The following SDK1 variants were observed in gnomAD, a reference collection of about 807,000 sequenced individuals.
The protein encoded by SDK1 is sidekick cell adhesion molecule 1.
SDK1 carries 157 observed loss-of-function variants against 245.5 expected under a neutral mutation model. That is an observed-to-expected ratio of 0.64 (90% CI 0.56 to 0.73). The LOEUF (loss-of-function observed/expected upper bound fraction) is 0.73. SDK1 is among the 30% of genes least tolerant of loss of function. The pLI is 0.00. For missense variants in SDK1, 3,583 were observed against 3,002.3 expected, an observed-to-expected ratio of 1.19 and a Z score of -4.52; for synonymous variants, 1,647 against 1,278.5, an observed-to-expected ratio of 1.29 and a Z score of -6.15.
intron 17 of SDK1, among the ~76,000 whole-genome samples, chr7:4,039,256 A>G (rs1788430750): frequency 2.0e-5 from 3 of 152,132 alleles, no homozygotes. Context: ...TACATATGTA[A>G]CTAACCAGCA....
chr7:3,929,732 G>A (rs1206745062), intron 5 of SDK1, among the ~76,000 whole-genome samples: 2 of 152,142 alleles, frequency 1.3e-5, no homozygotes, highest in Non-Finnish European at 2.9e-5. Context: ...GGATGGTGGG[G>A]TTTGTGGTGC....
At chr7:4,129,241 G>A (rs1484657585) in intron 26 of SDK1, among the ~76,000 whole-genome samples, 1 of 148,822 alleles carries the variant, frequency 6.7e-6, no homozygotes, top group East Asian at 2.0e-4. Context: ...AGCAGCTTGG[G>A]GTGGGGTGCC....
At chr7:3,577,639 G>C (rs1291456451) in intron 1 of SDK1, among the ~76,000 whole-genome samples, 2 of 152,032 alleles carry the variant, frequency 1.3e-5, no homozygotes, top group Non-Finnish European at 2.9e-5. Context: ...TTTTGTGTCA[G>C]ATACTGTGCT....
At chr7:4,049,830 G>A (rs528197758) in intron 18 of SDK1, among the ~76,000 whole-genome samples, 1 of 152,298 alleles carries the variant, frequency 6.6e-6, no homozygotes, top group South Asian at 2.1e-4. Context: ...CAAAGGGAAT[G>A]GTGTGAGTGA....
chr7:3,975,950 C>T (rs904092228), intron 13 of SDK1, among the ~76,000 whole-genome samples: 2 of 139,850 alleles, frequency 1.4e-5, no homozygotes, highest in Non-Finnish European at 1.6e-5. Context: ...GGGGCTGAGG[C>T]TGCCACGCAG....
At position 4,267,170 on chromosome 7, in the gene SDK1, T is replaced by C. The variant is rs774130696; in HGVS notation, c.*1786T>C. 1.8e-4 allele frequency: 181 copies of C among 983,202 alleles called. No homozygotes were observed. The highest frequency in any genetic ancestry group is 2.5e-4 in the Admixed American group (4 of 16,246). The allele number at this position is 983,202 out of a possible 1,614,324, so 60.9% of individuals were successfully genotyped here. A position where few individuals can be genotyped will look rare whatever the true frequency, so the allele number is the denominator to read the frequency against. ...AGAGGGTATGGCAAGTTTCCTTTTT[T>C]CTCTCCTCCCTTCCTTCCCCTCCTT... On this transcript the variant is annotated 3_prime_UTR_variant, in exon 45 of 45. Coordinates refer to ENST00000404826, the MANE Select transcript of SDK1 (RefSeq NM_152744.4).
chr7:3,618,654 C>G (rs575748979), intron 1 of SDK1, among the ~76,000 whole-genome samples: 6 of 152,306 alleles, frequency 3.9e-5, no homozygotes, highest in Non-Finnish European at 5.9e-5. Context: ...GTATGTCAAT[C>G]TTGCTTATCT....
intron 4 of SDK1, among the ~76,000 whole-genome samples, chr7:3,803,532 A>G (rs1457245975): frequency 6.6e-6 from 1 of 151,802 alleles, no homozygotes; most frequent in Non-Finnish European, 1.5e-5. Context: ...GCTGGTCTCA[A>G]ACTCCTGACC....
intron 1 of SDK1, among the ~76,000 whole-genome samples, chr7:3,529,318 G>T (rs747422060): frequency 1.3e-5 from 2 of 152,270 alleles, no homozygotes; most frequent in Middle Eastern, 3.4e-3. Context: ...TCTACTAAAA[G>T]GGAAGGGAAC....
At chr7:3,369,098 G>T (rs146734551) in intron 1 of SDK1, among the ~76,000 whole-genome samples, 9 of 151,852 alleles carry the variant, frequency 5.9e-5, no homozygotes, top group Middle Eastern at 3.4e-3. Flanking sequence ...AGGCTGGTGT[G>T]CAATGGTGTG....
chr7:3,582,438 G>T (rs992638972), intron 1 of SDK1, among the ~76,000 whole-genome samples: 2 of 141,504 alleles, frequency 1.4e-5, no homozygotes, highest in Non-Finnish European at 3.1e-5. Flanking sequence ...AGGTAGGTCT[G>T]TCTCAGGTAG....
chr7:3,780,011 C>G (rs907777877), intron 4 of SDK1, among the ~76,000 whole-genome samples: 3 of 151,520 alleles, frequency 2.0e-5, no homozygotes, highest in Non-Finnish European at 4.4e-5. Context: ...GCCTCAGTCT[C>G]TACTCCCCTG....
intron 38 of SDK1, among the ~76,000 whole-genome samples, chr7:4,210,760 A>G (rs1053360559): frequency 6.6e-6 from 1 of 152,238 alleles, no homozygotes; most frequent in Non-Finnish European, 1.5e-5. Context: ...CTTGTTTATC[A>G]GGTCCCTGGC....
chr7:3,330,072 A>T (rs73046661), intron 1 of SDK1, among the ~76,000 whole-genome samples: 21,938 of 152,112 alleles, frequency 0.14, 2,443 homozygotes, highest in African/African-American at 0.31. Flanking sequence ...TTGTATGTAT[A>T]TGTCACCTTT....
At chr7:4,009,489 A>G (rs1440820938) in intron 14 of SDK1, among the ~76,000 whole-genome samples, 4 of 152,190 alleles carry the variant, frequency 2.6e-5, no homozygotes, top group African/African-American at 7.2e-5. Flanking sequence ...GTTCTTCTGT[A>G]GGTAACTGGG....
intron 1 of SDK1, among the ~76,000 whole-genome samples, chr7:3,412,793 T>C (rs1779250560): frequency 6.6e-6 from 1 of 152,204 alleles, no homozygotes; most frequent in Non-Finnish European, 1.5e-5. Flanking sequence ...TTTGGGCTAA[T>C]AAGTAACCCA....
intron 4 of SDK1, among the ~76,000 whole-genome samples, chr7:3,692,792 T>G (rs1231809062): frequency 6.6e-6 from 1 of 152,146 alleles, no homozygotes; most frequent in Admixed American, 6.5e-5. Flanking sequence ...TATTCTAGAA[T>G]CGCATCGATT....
chr7:3,923,279 T>C (rs928424341), intron 5 of SDK1, among the ~76,000 whole-genome samples: 4 of 152,208 alleles, frequency 2.6e-5, no homozygotes, highest in African/African-American at 7.2e-5. Flanking sequence ...TTATGGACTT[T>C]TTTTTTTATT....
intron 2 of SDK1, among the ~76,000 whole-genome samples, chr7:3,623,749 C>T (rs914665074): frequency 2.6e-5 from 4 of 152,136 alleles, no homozygotes; most frequent in South Asian, 2.1e-4. Context: ...CATATACATA[C>T]ACCTAAGCCG....
Sources: allele counts gnomAD v4.1 joint callset (sites outside exome capture counted in the v4.1 genomes callset), GRCh38; gene constraint gnomAD v4.1.1; transcripts MANE v1.5; gene names NCBI Gene and HGNC (gene_info 2026-07-23, HGNC 2026-07-21).